Variants in NPSR1 observed in about 807,000 individuals in gnomAD.
NPSR1 encodes the protein neuropeptide S receptor 1.
Under a neutral mutation model 46.9 loss-of-function variants are expected in NPSR1, and 48 were observed. The observed-to-expected ratio is 1.02, with a 90% CI of 0.81 to 1.30. The LOEUF is 1.30. Among genes scored for constraint, NPSR1 ranks in the 50% most tolerant of loss-of-function variants. The pLI is 0.00. For missense variants in NPSR1, 450 were observed against 449.5 expected (o/e 1.00, Z -0.01); for synonymous variants, 176 against 168.1 (o/e 1.05, Z -0.36).
intron 7 of NPSR1, among the ~76,000 whole-genome samples, chr7:34,845,761 C>A (rs1258797223): frequency 3.3e-5 from 5 of 152,048 alleles, no homozygotes; most frequent in African/African-American, 1.2e-4. Context: ...ATATTATCAC[C>A]AAGACCTAAA....
At chr7:34,825,158 C>A (rs1266362130) in intron 4 of NPSR1, among the ~76,000 whole-genome samples, 1 of 152,180 alleles carries the variant, frequency 6.6e-6, no homozygotes, top group African/African-American at 2.4e-5. Context: ...TTCTAGACCA[C>A]CTCCAGGCCT....
chr7:34,736,008 G>A (rs1186621345), intron 2 of NPSR1, among the ~76,000 whole-genome samples: 1 of 152,192 alleles, frequency 6.6e-6, no homozygotes, highest in Non-Finnish European at 1.5e-5. Context: ...AGACAGGGAT[G>A]AGAAGGATCA....
At chr7:34,796,269 G>A (rs939962373) in intron 3 of NPSR1, among the ~76,000 whole-genome samples, 1 of 152,078 alleles carries the variant, frequency 6.6e-6, no homozygotes, top group Non-Finnish European at 1.5e-5. Flanking sequence ...ATGACCTTGA[G>A]TATGGTGATG....
chr7:34,849,259 G>C, intron 8 of NPSR1: 1 of 1,044,874 alleles, frequency 9.6e-7, no homozygotes, highest in East Asian at 2.6e-5. Context: ...TATTCGTAGC[G>C]ATGTGTGACC....
intron 5 of NPSR1, among the ~76,000 whole-genome samples, chr7:34,832,377 A>G (rs1019237686): frequency 6.6e-5 from 10 of 152,106 alleles, no homozygotes; most frequent in African/African-American, 2.4e-4. Flanking sequence ...TATAAAATAT[A>G]CAAAAATTAG....
intron 2 of NPSR1, among the ~76,000 whole-genome samples, chr7:34,700,760 A>G (rs568712299): frequency 5.3e-5 from 8 of 152,330 alleles, no homozygotes; most frequent in African/African-American, 1.7e-4. Context: ...ATGAAAAGTG[A>G]CAATTTCTCT....
intron 8 of NPSR1, among the ~76,000 whole-genome samples, chr7:34,856,236 T>C (rs998408319): frequency 5.9e-5 from 9 of 151,820 alleles, no homozygotes; most frequent in African/African-American, 9.7e-5. Context: ...TATAAATATA[T>C]AGCTGAATAT....
chr7:34,849,004 TAC>T (rs1404134066), intron 8 of NPSR1, among the ~76,000 whole-genome samples: 3 of 152,270 alleles, frequency 2.0e-5, no homozygotes, highest in African/African-American at 4.8e-5. Context: ...ATTACCATTT[TAC>T]AGATAAACAA....
chr7:34,788,930 A>G (rs1787594226), intron 3 of NPSR1, among the ~76,000 whole-genome samples: 1 of 152,224 alleles, frequency 6.6e-6, no homozygotes, highest in African/African-American at 2.4e-5. Context: ...CAACAAAATT[A>G]AGATTGAAAT....
chr7:34,737,508 C>G (rs926815422), intron 2 of NPSR1, among the ~76,000 whole-genome samples: 1 of 152,174 alleles, frequency 6.6e-6, no homozygotes, highest in African/African-American at 2.4e-5. Flanking sequence ...ATTGTCTAGC[C>G]AGGCTTCTGC....
chr7:34,864,277 C>T (rs767160390), intron 8 of NPSR1, among the ~76,000 whole-genome samples: 22 of 150,766 alleles, frequency 1.5e-4, no homozygotes, highest in South Asian at 4.2e-4. Context: ...ATGTAGATGA[C>T]GGGTTGATGG....
intron 2 of NPSR1, among the ~76,000 whole-genome samples, chr7:34,695,610 A>G (rs1301122316): frequency 6.6e-6 from 1 of 152,154 alleles, no homozygotes; most frequent in Non-Finnish European, 1.5e-5. Context: ...TCAACAAGAA[A>G]GAACAAACAA....
At chr7:34,737,785 C>T (rs142334131) in intron 2 of NPSR1, among the ~76,000 whole-genome samples, 1 of 152,248 alleles carries the variant, frequency 6.6e-6, no homozygotes, top group African/African-American at 2.4e-5. Context: ...CCCCTCAGAT[C>T]AATGCTTGGA....
chr7:34,721,524 A>G (rs1054962929), intron 2 of NPSR1, among the ~76,000 whole-genome samples: 1 of 152,180 alleles, frequency 6.6e-6, no homozygotes, highest in Non-Finnish European at 1.5e-5. Context: ...ATTCTTATTC[A>G]TTCTCTCAAC....
At chr7:34,833,749 G>C (rs2128759483) in intron 5 of NPSR1, among the ~76,000 whole-genome samples, 1 of 152,324 alleles carries the variant, frequency 6.6e-6, no homozygotes, top group South Asian at 2.1e-4. Flanking sequence ...GTCATCAGAG[G>C]CTGGACTGGG....
intron 2 of NPSR1, among the ~76,000 whole-genome samples, chr7:34,694,492 C>T (rs1459226988): frequency 1.3e-5 from 2 of 152,090 alleles, no homozygotes; most frequent in Non-Finnish European, 2.9e-5. Flanking sequence ...AGGACAACTA[C>T]AAAAAGTGAT....
chr7:34,864,709 G>A (rs1252689547), intron 8 of NPSR1, among the ~76,000 whole-genome samples: 1 of 151,788 alleles, frequency 6.6e-6, no homozygotes, highest in Non-Finnish European at 1.5e-5. Flanking sequence ...TTTTCCTCAT[G>A]AGCATCTTGA....
At chr7:34,696,078 TAAAA>T (rs34574984) in intron 2 of NPSR1, among the ~76,000 whole-genome samples, 1 of 113,886 alleles carries the variant, frequency 8.8e-6, no homozygotes, top group African/African-American at 3.3e-5. Context: ...GTTGATTTGA[TAAAA>T]AAAAAAAAAA....
At chr7:34,722,763 T>C (rs1783926345) in intron 2 of NPSR1, among the ~76,000 whole-genome samples, 1 of 152,112 alleles carries the variant, frequency 6.6e-6, no homozygotes, top group South Asian at 2.1e-4. Context: ...GATATGGGAG[T>C]GTGGCTGCAG....
Sources: gnomAD v4.1 joint callset for allele counts (sites outside exome capture counted in the v4.1 genomes callset) on GRCh38, gnomAD v4.1.1 for gene constraint, MANE v1.5 for transcripts, NCBI Gene and HGNC (gene_info 2026-07-23, HGNC 2026-07-21) for gene names.